The following ELMO1 variants were observed in gnomAD, a reference collection of about 807,000 sequenced individuals.
The protein encoded by ELMO1 is engulfment and cell motility 1.
A neutral mutation model predicts 98.9 loss-of-function variants in ELMO1; 26 were observed. The observed-to-expected ratio is 0.26, with a 90% CI of 0.19 to 0.36. The LOEUF (loss-of-function observed/expected upper bound fraction) is 0.36, where lower values mean the gene tolerates loss of function less well. Among genes scored for constraint, ELMO1 ranks in the 10% least tolerant of loss-of-function variants. The pLI is 1.00. For missense variants in ELMO1, 627 were observed against 935.2 expected (o/e 0.67, Z 4.30); for synonymous variants, 346 against 346.0 (o/e 1.00, Z 0.00).
chr7:36,961,894 T>A (rs745410174), intron 16 of ELMO1, among the ~76,000 whole-genome samples: 1 of 152,244 alleles, frequency 6.6e-6, no homozygotes, highest in Non-Finnish European at 1.5e-5. Flanking sequence ...AATCTTCAGT[T>A]TCAACTACCT....
intron 15 of ELMO1, among the ~76,000 whole-genome samples, chr7:37,024,933 G>A (rs1421272879): frequency 6.6e-6 from 1 of 152,160 alleles, no homozygotes; most frequent in African/African-American, 2.4e-5. Context: ...AGGTCATCTT[G>A]TGAGATGTTG....
intron 1 of ELMO1, among the ~76,000 whole-genome samples, chr7:37,444,463 C>T (rs908307480): frequency 4.6e-5 from 7 of 152,182 alleles, no homozygotes; most frequent in African/African-American, 1.7e-4. Context: ...GTTTCTAGTT[C>T]CTCCAAGATG....
chr7:36,964,362 C>T (rs968093963), intron 16 of ELMO1, among the ~76,000 whole-genome samples: 2 of 152,054 alleles, frequency 1.3e-5, no homozygotes, highest in African/African-American at 2.4e-5. Context: ...AATCATCTAA[C>T]GTAAAGTATA....
At chr7:37,276,268 AAG>A (rs146787039) in intron 4 of ELMO1, among the ~76,000 whole-genome samples, 1,545 of 152,262 alleles carry the variant, frequency 0.01, 35 homozygotes, top group African/African-American at 0.036. Flanking sequence ...ATGAGATAGG[AAG>A]AGAGAGAAAG....
chr7:37,410,538 C>G, intron 1 of ELMO1, among the ~76,000 whole-genome samples: 1 of 152,140 alleles, frequency 6.6e-6, no homozygotes, highest in East Asian at 1.9e-4. Context: ...GCCCCTCCCA[C>G]CCCTTAACAC....
chr7:37,007,112 C>T (rs1793189177), intron 16 of ELMO1, among the ~76,000 whole-genome samples: 1 of 152,190 alleles, frequency 6.6e-6, no homozygotes, highest in African/African-American at 2.4e-5. Flanking sequence ...TCATATAATG[C>T]ATTTGCTTCT....
At chr7:37,106,610 A>C (rs766457870) in intron 14 of ELMO1, among the ~76,000 whole-genome samples, 1 of 152,104 alleles carries the variant, frequency 6.6e-6, no homozygotes, top group Non-Finnish European at 1.5e-5. Context: ...AGACGAAGAC[A>C]CTACAGGTGT....
chr7:37,379,614 A>G (rs527705160), intron 1 of ELMO1, among the ~76,000 whole-genome samples: 28 of 152,350 alleles, frequency 1.8e-4, no homozygotes, highest in Non-Finnish European at 2.9e-4. Context: ...TGAGAGATCA[A>G]AACAGATACC....
intron 13 of ELMO1, among the ~76,000 whole-genome samples, chr7:37,141,633 GGTA>G (rs1787648897): frequency 6.6e-6 from 1 of 152,106 alleles, no homozygotes; most frequent in South Asian, 2.1e-4. Flanking sequence ...AAGTTAAAGA[GGTA>G]TGAAAGAAAA....
chr7:37,252,259 A>G (rs2130755796), intron 6 of ELMO1, among the ~76,000 whole-genome samples: 1 of 152,368 alleles, frequency 6.6e-6, no homozygotes, highest in East Asian at 1.9e-4. Flanking sequence ...ACTAAAAAAG[A>G]GCCCATATAA....
At chr7:37,180,259 T>C (rs1341942011) in intron 13 of ELMO1, among the ~76,000 whole-genome samples, 2 of 152,096 alleles carry the variant, frequency 1.3e-5, no homozygotes, top group African/African-American at 2.4e-5. Flanking sequence ...AAAAATGCCG[T>C]CTCCGTGCCA....
intron 14 of ELMO1, among the ~76,000 whole-genome samples, chr7:37,123,766 A>T (rs1786276442): frequency 6.6e-6 from 1 of 152,222 alleles, no homozygotes; most frequent in African/African-American, 2.4e-5. Flanking sequence ...AAAAAGAGGG[A>T]ATCCTCCCTA....
chr7:36,994,996 C>T (rs768943290), intron 16 of ELMO1, among the ~76,000 whole-genome samples: 55 of 152,296 alleles, frequency 3.6e-4, no homozygotes, highest in South Asian at 1.0e-3. Flanking sequence ...TAGACTGACA[C>T]CACTGCTCAG....
At chr7:37,073,637 TC>T (rs2129227107) in intron 15 of ELMO1, among the ~76,000 whole-genome samples, 1 of 151,932 alleles carries the variant, frequency 6.6e-6, no homozygotes, top group East Asian at 1.9e-4. Flanking sequence ...TGCTCTGTCG[TC>T]CAGGCTAGAG....
intron 14 of ELMO1, among the ~76,000 whole-genome samples, chr7:37,120,313 G>A (rs983116812): frequency 6.6e-6 from 1 of 152,232 alleles, no homozygotes; most frequent in Non-Finnish European, 1.5e-5. Context: ...AGCGTGACCC[G>A]AAGCAGGGAG....
intron 13 of ELMO1, among the ~76,000 whole-genome samples, chr7:37,206,174 A>C (rs900964666): frequency 3.9e-5 from 6 of 152,246 alleles, no homozygotes; most frequent in Non-Finnish European, 8.8e-5. Flanking sequence ...AATAGCATCT[A>C]GATTCACAGA....
At chr7:36,985,642 A>C (rs1177401380) in intron 16 of ELMO1, among the ~76,000 whole-genome samples, 2 of 152,226 alleles carry the variant, frequency 1.3e-5, no homozygotes, top group African/African-American at 2.4e-5. Context: ...GAAATGCATC[A>C]ACACCCAGGG....
At chr7:36,856,287 A>C (rs572743425) in intron 21 of ELMO1, among the ~76,000 whole-genome samples, 77 of 152,320 alleles carry the variant, frequency 5.1e-4, no homozygotes, top group Non-Finnish European at 8.8e-4. Context: ...CCAATGGCCA[A>C]TGGCAGTCCC....
intron 20 of ELMO1, among the ~76,000 whole-genome samples, chr7:36,862,670 G>A (rs1173723024): frequency 3.3e-5 from 5 of 151,638 alleles, no homozygotes; most frequent in Admixed American, 6.6e-5. Context: ...GAAGAGCCAA[G>A]TGTATCCAAA....
Sources: allele counts gnomAD v4.1 joint callset (sites outside exome capture counted in the v4.1 genomes callset), GRCh38; gene constraint gnomAD v4.1.1; transcripts MANE v1.5; gene names NCBI Gene and HGNC (gene_info 2026-07-23, HGNC 2026-07-21).